Variants in DOCK5 observed in about 807,000 individuals in gnomAD.
DOCK5 encodes dedicator of cytokinesis 5.
Under a neutral mutation model 251.8 loss-of-function variants are expected in DOCK5, and 142 were observed. The observed-to-expected ratio is 0.56, with a 90% CI of 0.49 to 0.65. DOCK5 has a LOEUF of 0.65. Among genes scored for constraint, DOCK5 ranks in the 30% least tolerant of loss-of-function variants. The probability of loss-of-function intolerance (pLI) is 0.00; values close to 1 mark genes in which losing one functional copy is unlikely to be tolerated. For synonymous variants in DOCK5, 842 were observed against 835.5 expected, an observed-to-expected ratio of 1.01 and a Z score of -0.13; for missense variants, 2,111 against 2,312.3, an observed-to-expected ratio of 0.91 and a Z score of 1.79.
chr8:25,262,946 GT>G (rs963292423), intron 2 of DOCK5, among the ~76,000 whole-genome samples: 13 of 149,448 alleles, frequency 8.7e-5, no homozygotes, highest in Non-Finnish European at 1.2e-4. Context: ...CACCTCCTGA[GT>G]TTTTTTTAAA....
At chr8:25,354,533 G>A (rs988328852) in intron 27 of DOCK5, among the ~76,000 whole-genome samples, 6 of 152,168 alleles carry the variant, frequency 3.9e-5, no homozygotes, top group African/African-American at 7.2e-5. Flanking sequence ...TACTCCCGCC[G>A]TGCTTCCGCT....
intron 22 of DOCK5, among the ~76,000 whole-genome samples, 154 bp downstream of exon 22, chr8:25,336,527 C>G (rs572148894): frequency 3.5e-4 from 54 of 152,250 alleles, no homozygotes; most frequent in African/African-American, 1.3e-3. Context: ...ATTTGGGCTG[C>G]GTGTCTGTTG....
intron 1 of DOCK5, among the ~76,000 whole-genome samples, chr8:25,219,156 T>A (rs1056283824): frequency 8.5e-5 from 13 of 152,210 alleles, no homozygotes; most frequent in Non-Finnish European, 1.9e-4. Context: ...AGTCACAATT[T>A]TTTTGTTAAA....
chr8:25,298,908 A>T (rs765888720), intron 7 of DOCK5, 36 bp from the exon 8 acceptor site: 1 of 1,555,266 alleles, frequency 6.4e-7, no homozygotes, highest in East Asian at 2.3e-5. Context: ...CATTTGCCAA[A>T]ATCAAGATGT....
chr8:25,304,182 C>T, intron 10 of DOCK5, 73 bp from the exon 11 acceptor site: 2 of 1,282,758 alleles, frequency 1.6e-6, no homozygotes, highest in Non-Finnish European at 1.1e-6. Context: ...TTTGCTGATA[C>T]TGTCCTTTTC....
At chr8:25,345,006 G>C (rs1173310144) in intron 25 of DOCK5, among the ~76,000 whole-genome samples, 1 of 152,090 alleles carries the variant, frequency 6.6e-6, no homozygotes, top group Non-Finnish European at 1.5e-5. Context: ...GACATGAGCA[G>C]AATGTCATTG....
intron 7 of DOCK5, 23 bp from the exon 8 acceptor site, chr8:25,298,915 ATGTTTT>A (rs1563192889): frequency 6.4e-7 from 1 of 1,556,696 alleles, no homozygotes; most frequent in African/African-American, 1.4e-5. Flanking sequence ...CAAAATCAAG[ATGTTTT>A]TCTCTGTTCC....
chr8:25,408,849 T>C lies in DOCK5; in HGVS notation c.5313T>C (p.Asp1771=), dbSNP rs1264960289. 6.2e-7 allele frequency: 1 copy of C among 1,613,910 alleles called. No individual in the cohort carries two copies. Among genetic ancestry groups the C allele is most frequent in the African/African-American group, 1.3e-5 (1 of 74,942 alleles). The change falls in exon 50 of 52, where the codon GAT becomes GAC. Residue 1771 remains aspartate, a synonymous_variant. Transcript: ENST00000276440. The part of the protein sequence containing the change: ...AQRPKSLQLM[D]NRLSPFHGSS... ...GGCCAAAGAGTCTCCAGTTGATGGATAATCGGCTATCACCATTTCACGGTT... is the reference window on the plus strand; with the variant it reads ...GGCCAAAGAGTCTCCAGTTGATGGACAATCGGCTATCACCATTTCACGGTT...
intron 38 of DOCK5, 105 bp from the exon 39 acceptor site, chr8:25,380,200 C>A: frequency 3.2e-6 from 3 of 946,860 alleles, no homozygotes; most frequent in Non-Finnish European, 4.9e-6. Context: ...GAAACTCAAT[C>A]CCCCAGACCA....
chr8:25,260,941 G>A (rs1803561476), intron 2 of DOCK5, among the ~76,000 whole-genome samples: 1 of 151,924 alleles, frequency 6.6e-6, no homozygotes, highest in African/African-American at 2.4e-5. Context: ...GACTATGAAT[G>A]TGTGCCACCT....
intron 5 of DOCK5, among the ~76,000 whole-genome samples, chr8:25,280,471 C>T (rs1404618695): frequency 1.3e-5 from 2 of 152,154 alleles, no homozygotes; most frequent in Non-Finnish European, 2.9e-5. Flanking sequence ...TGTTGTTTCC[C>T]TTGGTTAATC....
At chr8:25,334,974 G>A (rs1477382726) in intron 21 of DOCK5, among the ~76,000 whole-genome samples, 3 of 152,080 alleles carry the variant, frequency 2.0e-5, no homozygotes, top group Admixed American at 1.3e-4. Context: ...TTTTTGTAGT[G>A]CAGCCTGCCT....
Position 25,391,952 on chromosome 8 carries a change from G to C in DOCK5, c.4412G>C (p.Gly1471Ala), listed in dbSNP as rs926369452. The C allele has an allele frequency of 6.2e-7, 1 of 1,613,876 alleles. No homozygotes were observed. The highest frequency in any genetic ancestry group is 2.2e-5 in the East Asian group (1 of 44,852). Residue 1471 changes from glycine to alanine, a missense_variant, in exon 43 of 52, where the codon GGA becomes GCA. Physicochemically the swap from Gly to Ala is moderately conservative, Grantham distance 60 (BLOSUM62 0). This residue lies in a region of DOCK5 where 1,717 missense variants were observed against 1,892.4 expected (regional missense o/e 0.91). Coordinates refer to ENST00000276440, the MANE Select transcript of DOCK5 (RefSeq NM_024940.8). ...QFRYSRPFRK[G>A]EKDPDNEFAT... Reference sequence around the variant, plus strand: ...AGATACTCCCGGCCGTTCCGGAAAGGAGAAAAGGATCCAGACAATGAATTT... The same window carrying C: ...AGATACTCCCGGCCGTTCCGGAAAGCAGAAAAGGATCCAGACAATGAATTT...
intron 2 of DOCK5, among the ~76,000 whole-genome samples, chr8:25,252,175 A>G (rs1269934024): frequency 6.6e-6 from 1 of 152,124 alleles, no homozygotes; most frequent in Non-Finnish European, 1.5e-5. Context: ...TAATTCTGTA[A>G]CACTGAAATC....
intron 34 of DOCK5, 119 bp downstream of exon 34, chr8:25,369,760 C>A (rs982398794): frequency 6.6e-6 from 5 of 754,988 alleles, no homozygotes; most frequent in Middle Eastern, 3.8e-4. Context: ...GGGCCACCCC[C>A]ACTGTGGTCT....
intron 48 of DOCK5, among the ~76,000 whole-genome samples, chr8:25,405,770 G>A (rs1178296169): frequency 6.6e-6 from 1 of 151,804 alleles, no homozygotes; most frequent in Non-Finnish European, 1.5e-5. Flanking sequence ...CTTTCCATAT[G>A]TTCAAATTTA....
chr8:25,319,716 C>G (rs753731328), intron 15 of DOCK5, 40 bp downstream of exon 15: 1 of 1,422,700 alleles, frequency 7.0e-7, no homozygotes, highest in Non-Finnish European at 9.6e-7. Flanking sequence ...ATCTGTTAAA[C>G]CTCAGTTAGA....
At chr8:25,400,332 C>G (rs112670594) in intron 46 of DOCK5, among the ~76,000 whole-genome samples, 2,661 of 151,948 alleles carry the variant, frequency 0.018, 48 homozygotes, top group South Asian at 0.053. Context: ...AACCCCATCT[C>G]TACTAAAACT....
At chr8:25,336,150 GATGCC>G in intron 21 of DOCK5, 84 bp from the exon 22 acceptor site, 1 of 1,386,272 alleles carries the variant, frequency 7.2e-7, no homozygotes, top group Non-Finnish European at 9.9e-7. Context: ...CTACTTCCAG[GATGCC>G]ATGTTCCCCT....
Sources: allele counts gnomAD v4.1 joint callset (sites outside exome capture counted in the v4.1 genomes callset), GRCh38; gene constraint gnomAD v4.1.1; regional missense constraint gnomAD v4.1.1; transcripts MANE v1.5; gene names NCBI Gene and HGNC (gene_info 2026-07-23, HGNC 2026-07-21).